Variants in DSCAM observed in about 807,000 individuals in gnomAD.
DSCAM encodes cell adhesion molecule DSCAM.
Under a neutral mutation model 217.7 loss-of-function variants are expected in DSCAM, and 47 were observed. The observed-to-expected ratio is 0.22, with a 90% CI of 0.17 to 0.28. The LOEUF (loss-of-function observed/expected upper bound fraction) is 0.28, where lower values mean the gene tolerates loss of function less well. DSCAM is among the 10% of genes least tolerant of loss of function. The pLI is 1.00. For missense variants in DSCAM, 2,080 were observed against 2,618.3 expected, an observed-to-expected ratio of 0.79 and a Z score of 4.49; for synonymous variants, 1,056 against 1,015.3, an observed-to-expected ratio of 1.04 and a Z score of -0.76.
intron 3 of DSCAM, among the ~76,000 whole-genome samples, chr21:40,622,512 T>A (rs2089534833): frequency 6.6e-6 from 1 of 152,214 alleles, no homozygotes. Context: ...TTCATTTCAC[T>A]ATTACTGACA....
chr21:40,282,017 C>T (rs1258069053), intron 10 of DSCAM, among the ~76,000 whole-genome samples: 1 of 152,106 alleles, frequency 6.6e-6, no homozygotes, highest in Non-Finnish European at 1.5e-5. Context: ...TAAAATTAGA[C>T]TGCATTTTTA....
chr21:40,266,799 T>TATATAC (rs1173276556), intron 11 of DSCAM, among the ~76,000 whole-genome samples: 12 of 129,512 alleles, frequency 9.3e-5, no homozygotes, highest in African/African-American at 3.1e-4. Flanking sequence ...TATATATATA[T>TATATAC]ACACACACAC....
At chr21:40,840,517 A>G (rs964770957) in intron 1 of DSCAM, among the ~76,000 whole-genome samples, 1 of 152,192 alleles carries the variant, frequency 6.6e-6, no homozygotes, top group Non-Finnish European at 1.5e-5. Flanking sequence ...GGTCCAGCAC[A>G]TGGATGAAAT....
intron 1 of DSCAM, among the ~76,000 whole-genome samples, chr21:40,714,459 G>A (rs2090818859): frequency 6.6e-6 from 1 of 152,188 alleles, no homozygotes; most frequent in South Asian, 2.1e-4. Flanking sequence ...CCAGGTGAGG[G>A]ACATGGAATT....
chr21:40,420,242 T>C (rs1239487076), intron 3 of DSCAM, among the ~76,000 whole-genome samples: 1 of 152,160 alleles, frequency 6.6e-6, no homozygotes, highest in Non-Finnish European at 1.5e-5. Context: ...TTAAAGTAAG[T>C]CTATAGATAT....
rs759236431 is a variant in DSCAM, at chr21:40,075,157, T to C, written c.4768A>G (p.Asn1590Asp). ...VVQNEEGLTT[N>D]EGLKMLVTIS... ...GTCACCAGCATCTTGAGCCCCTCGT[T>C]GGTCGTCAGCCCTTCTTCGTTTTGG... Residue 1590 changes from asparagine to aspartate, a missense_variant, in exon 27 of 33, where the codon AAC (asparagine) becomes GAC (aspartate). This residue lies in a region of DSCAM where 1,144 missense variants were observed against 1,421.1 expected (regional missense o/e 0.81). Transcript: ENST00000400454. 6.2e-7 allele frequency: 1 copy of C among 1,614,186 alleles called. No individual in the cohort carries two copies. Among genetic ancestry groups the C allele is most frequent in the East Asian group, 2.2e-5 (1 of 44,884 alleles).
In DSCAM at chr21:40,411,173, TATACACACACACACAC is replaced by T. The variant is rs1171523255; in HGVS notation, c.509-41944_509-41929del. On this transcript the variant is annotated intron_variant, in intron 3 of 32. Transcript: ENST00000400454. ...ATTACTTGAAGATAGACAGTAATTA[TATACACACACACACAC>T]ACACACACACACACACACACACACA... Among the ~76,000 whole-genome samples, 301 of 134,842 alleles carry T rather than the reference TATACACACACACACAC, an allele frequency of 2.2e-3. 5 individuals carry two copies. The East Asian group carries it at 0.028, about 12-fold the overall frequency. The allele number at this position is 134,842 out of a possible 152,430, so 88.5% of individuals were successfully genotyped here. A position where few individuals can be genotyped will look rare whatever the true frequency, so the allele number is the denominator to read the frequency against.
At chr21:40,519,475 C>A (rs1235539411) in intron 3 of DSCAM, among the ~76,000 whole-genome samples, 3 of 152,118 alleles carry the variant, frequency 2.0e-5, no homozygotes, top group East Asian at 3.9e-4. Flanking sequence ...TTAAAAGACA[C>A]CTGAGAGAGA....
At chr21:40,209,627 C>T (rs868188207) in intron 11 of DSCAM, among the ~76,000 whole-genome samples, 2 of 152,140 alleles carry the variant, frequency 1.3e-5, no homozygotes, top group South Asian at 2.1e-4. Flanking sequence ...AGCTTTCTCC[C>T]TGTCCCTATT....
At chr21:40,478,415 A>G (rs2075955273) in intron 3 of DSCAM, among the ~76,000 whole-genome samples, 1 of 152,218 alleles carries the variant, frequency 6.6e-6, no homozygotes, top group Non-Finnish European at 1.5e-5. Flanking sequence ...TAGGGTAGGC[A>G]CAGAGCCAGC....
At chr21:40,188,785 C>CTTTTTTTT (rs35605811) in intron 12 of DSCAM, among the ~76,000 whole-genome samples, 1 of 141,498 alleles carries the variant, frequency 7.1e-6, no homozygotes, top group African/African-American at 2.6e-5. Flanking sequence ...TTATTTCTCA[C>CTTTTTTTT]TTTTTTTTTT....
chr21:40,370,628 T>C (rs76111856), intron 3 of DSCAM, among the ~76,000 whole-genome samples: 2 of 102,454 alleles, frequency 2.0e-5, no homozygotes, highest in Non-Finnish European at 3.6e-5. Context: ...TGGTTTATGG[T>C]TTTTTTTTTT....
chr21:40,715,203 A>G (rs976534561), intron 1 of DSCAM, among the ~76,000 whole-genome samples: 1 of 152,264 alleles, frequency 6.6e-6, no homozygotes, highest in Non-Finnish European at 1.5e-5. Flanking sequence ...ACACTCATAC[A>G]GAATAGGTGA....
chr21:40,181,185 CTTT>C (rs1054351573), intron 14 of DSCAM, among the ~76,000 whole-genome samples: 22 of 151,718 alleles, frequency 1.5e-4, no homozygotes, highest in African/African-American at 5.3e-4. Flanking sequence ...CGCCTAAGAA[CTTT>C]TTTATTGGGT....
intron 1 of DSCAM, among the ~76,000 whole-genome samples, chr21:40,715,379 T>G (rs1435015286): frequency 6.6e-6 from 1 of 152,222 alleles, no homozygotes; most frequent in Non-Finnish European, 1.5e-5. Flanking sequence ...ACCAAGAGTT[T>G]GGCCTCCAGG....
chr21:40,060,097 T>C (rs2089091993), intron 28 of DSCAM, among the ~76,000 whole-genome samples: 1 of 152,160 alleles, frequency 6.6e-6, no homozygotes, highest in African/African-American at 2.4e-5. Context: ...AGCTTGAAAA[T>C]TCTCTTCCTT....
chr21:40,299,560 C>T (rs1158030515), intron 9 of DSCAM, among the ~76,000 whole-genome samples: 3 of 152,060 alleles, frequency 2.0e-5, no homozygotes, highest in African/African-American at 7.2e-5. Context: ...AGTTTCTAAA[C>T]AAATTTCTTT....
At chr21:40,475,838 T>TAAAC (rs1016521007) in intron 3 of DSCAM, among the ~76,000 whole-genome samples, 4 of 151,920 alleles carry the variant, frequency 2.6e-5, no homozygotes, top group African/African-American at 9.7e-5. Context: ...CTTAAATAAA[T>TAAAC]AAATTAATAA....
chr21:40,587,047 C>G (rs957490932), intron 3 of DSCAM, among the ~76,000 whole-genome samples: 1 of 151,818 alleles, frequency 6.6e-6, no homozygotes, highest in African/African-American at 2.4e-5. Context: ...ATTTTTAAAT[C>G]TAGTAAAATT....
Sources: gnomAD v4.1 joint callset for allele counts (sites outside exome capture counted in the v4.1 genomes callset) on GRCh38, gnomAD v4.1.1 for gene constraint, gnomAD v4.1.1 regional missense constraint, MANE v1.5 for transcripts, NCBI Gene and HGNC (gene_info 2026-07-23, HGNC 2026-07-21) for gene names.